The following GRAMD2A variants were observed in gnomAD, a reference collection of about 807,000 sequenced individuals.
GRAMD2A encodes GRAM domain containing 2A, also known as GRAM domain-containing protein 2A.
GRAMD2A carries 37 observed loss-of-function variants against 51.1 expected under a neutral mutation model. That is an observed-to-expected ratio of 0.72 (90% CI 0.56 to 0.95). GRAMD2A has a LOEUF of 0.95. Ranked by LOEUF, GRAMD2A falls within the 40% of genes least tolerant of loss-of-function variation. The probability of loss-of-function intolerance (pLI) is 0.00; values close to 1 mark genes in which losing one functional copy is unlikely to be tolerated. For missense variants in GRAMD2A, 414 were observed against 426.9 expected (o/e 0.97, Z 0.27); for synonymous variants, 136 against 157.1 (o/e 0.87, Z 1.01).
intron 2 of GRAMD2A, chr15:72,169,570 A>G (rs773226533): frequency 1.6e-6 from 1 of 633,664 alleles, no homozygotes; most frequent in Non-Finnish European, 2.9e-6. Flanking sequence ...GGCACTGAGA[A>G]AAAAAGGTAA....
chr15:72,197,768 T>C lies in GRAMD2A; in HGVS notation c.4A>G (p.Thr2Ala). ...GTGGCCTCGCTCCGGCTTAAAGCGG[T>C]CATCCCGGCGCCTGCACCCAGCGCC... The part of the protein sequence containing the change: M[T>A]ALSRSEATEE... The change falls in exon 1 of 12, where the codon ACC (threonine) becomes GCC (alanine). Residue 2 changes from threonine (T) to alanine (A), a missense_variant. Coordinates refer to ENST00000309731, the MANE Select transcript of GRAMD2A (RefSeq NM_001012642.3). 1 of 1,316,192 alleles carries C rather than the reference T, an allele frequency of 7.6e-7. No individual in the cohort carries two copies. Among genetic ancestry groups the C allele is most frequent in the Admixed American group, 2.9e-5 (1 of 34,716 alleles). The allele number at this position is 1,316,192 out of a possible 1,614,324, so 81.5% of individuals were successfully genotyped here. A position where few individuals can be genotyped will look rare whatever the true frequency, so the allele number is the denominator to read the frequency against.
intron 2 of GRAMD2A, 93 bp downstream of exon 2, chr15:72,169,754 T>C (rs2081589756): frequency 9.7e-7 from 1 of 1,036,078 alleles, no homozygotes; most frequent in Non-Finnish European, 1.5e-6. Flanking sequence ...GGGCCCCGGC[T>C]CTGCCTTGAG....
In GRAMD2A at chr15:72,163,646, T is replaced by C; in HGVS notation, c.712A>G (p.Ser238Gly). The part of the protein sequence containing the change: ...IPPSSVDSTD[S>G]FFPSRKPPMS... ...GGAGGCTTCCTGGAGGGGAAGAAAC[T>C]GTCTGTGGAGTCCACGGATGATGGA... Residue 238 changes from serine to glycine, a missense_variant, in exon 9 of 12, where the codon AGT (serine) becomes GGT (glycine). Coordinates refer to ENST00000309731, the MANE Select transcript of GRAMD2A (RefSeq NM_001012642.3). The C allele has an allele frequency of 1.3e-6, 2 of 1,596,182 alleles. No individual in the cohort carries two copies. The highest frequency in any genetic ancestry group is 1.3e-5 in the African/African-American group (1 of 74,164).
intron 1 of GRAMD2A, among the ~76,000 whole-genome samples, chr15:72,187,270 A>G (rs2081740767): frequency 1.3e-5 from 2 of 151,934 alleles, no homozygotes; most frequent in South Asian, 4.1e-4. Flanking sequence ...CATCCAGGAG[A>G]ATAAAGGGAT....
chr15:72,186,823 G>GA (rs912726290), intron 1 of GRAMD2A, among the ~76,000 whole-genome samples: 2 of 151,868 alleles, frequency 1.3e-5, no homozygotes, highest in Non-Finnish European at 2.9e-5. Context: ...TGCTAATATG[G>GA]AAAAAAAGTC....
At chr15:72,181,673 C>T (rs1439329156) in intron 1 of GRAMD2A, among the ~76,000 whole-genome samples, 5 of 152,198 alleles carry the variant, frequency 3.3e-5, no homozygotes, top group African/African-American at 9.6e-5. Context: ...CTCCAGATTT[C>T]TGGCTTAAGC....
intron 1 of GRAMD2A, among the ~76,000 whole-genome samples, chr15:72,187,687 A>G (rs1158320141): frequency 6.6e-6 from 1 of 151,836 alleles, no homozygotes; most frequent in Non-Finnish European, 1.5e-5. Context: ...TACTTTTTGC[A>G]TTTTTTATAG....
At chr15:72,171,431 A>G (rs906682145) in intron 1 of GRAMD2A, among the ~76,000 whole-genome samples, 12 of 152,166 alleles carry the variant, frequency 7.9e-5, no homozygotes, top group African/African-American at 2.9e-4. Flanking sequence ...TATAATCTAT[A>G]ATTTGTATAC....
At chr15:72,196,043 T>G (rs950835320) in intron 1 of GRAMD2A, among the ~76,000 whole-genome samples, 1 of 152,236 alleles carries the variant, frequency 6.6e-6, no homozygotes, top group African/African-American at 2.4e-5. Context: ...GAACTTCTAT[T>G]TGGCCCCAGC....
chr15:72,175,298 G>A lies in GRAMD2A; in HGVS notation c.42-5359C>T, dbSNP rs60921026. On this transcript the variant is annotated intron_variant, in intron 1 of 11. Transcript: ENST00000309731. The stretch of plus-strand genomic sequence containing the variant: ...TGACCAAAACTGCCTCCGGCTGTGC[G>A]GGTACACACTGCCTCTCTCCCACAT... Among the ~76,000 whole-genome samples the A allele has an allele frequency of 0.035, 5,369 of 152,222 alleles. 560 individuals are homozygous for A. In the East Asian group the frequency reaches 0.4, roughly 11 times the overall value.
At chr15:72,187,123 G>A (rs1182746345) in intron 1 of GRAMD2A, among the ~76,000 whole-genome samples, 1 of 151,560 alleles carries the variant, frequency 6.6e-6, no homozygotes, top group African/African-American at 2.4e-5. Context: ...TAGCGCCACT[G>A]CATTCCAGCC....
chr15:72,167,911 C>A (rs1160379013), intron 4 of GRAMD2A, 72 bp from the exon 5 acceptor site: 6 of 1,032,394 alleles, frequency 5.8e-6, no homozygotes, highest in Non-Finnish European at 9.2e-6. Context: ...TGGGTCCTCA[C>A]GTTCTGGAGT....
At position 72,169,953 on chromosome 15, in the gene GRAMD2A, G is replaced by A; in HGVS notation, c.42-14C>T. On this transcript the variant is annotated splice_polypyrimidine_tract_variant and intron_variant, in intron 1 of 11. Transcript: ENST00000309731. ...ATTTGTTGGTTGCTAGGGAAAAACA[G>A]GCCCATATCAGGAAGGGGGCTTCAT... 6.2e-7 allele frequency: 1 copy of A among 1,602,110 alleles called. No individual in the cohort carries two copies. Among genetic ancestry groups the A allele is most frequent in the Non-Finnish European group, 8.6e-7 (1 of 1,169,002 alleles).
At chr15:72,174,781 G>T (rs142503948) in intron 1 of GRAMD2A, among the ~76,000 whole-genome samples, 1 of 152,276 alleles carries the variant, frequency 6.6e-6, no homozygotes, top group African/African-American at 2.4e-5. Flanking sequence ...AGAGGGCAGG[G>T]ATGGCACCAG....
chr15:72,167,709 A>G (rs1465303376), intron 5 of GRAMD2A, 27 bp downstream of exon 5: 2 of 1,552,190 alleles, frequency 1.3e-6, no homozygotes, highest in Non-Finnish European at 1.8e-6. Context: ...TCACAGGGTC[A>G]TGGCAGCCCT....
rs573259616 is a variant in GRAMD2A at position 72,171,004 on chromosome 15, C to T, written c.42-1065G>A. ...CCTCAGAGATTGATTCAGCCTCACC[C>T]GCTCCCACCATACCATTGTACAGAT... On this transcript the variant is annotated intron_variant, in intron 1 of 11. Coordinates refer to ENST00000309731, the MANE Select transcript of GRAMD2A (RefSeq NM_001012642.3). 2.6e-5 allele frequency among the ~76,000 whole-genome samples: 4 copies of T among 152,302 alleles called. No individual in the cohort carries two copies. The East Asian group carries it at 7.7e-4, about 29-fold the overall frequency.
intron 1 of GRAMD2A, among the ~76,000 whole-genome samples, chr15:72,180,125 G>A (rs762100414): frequency 5.9e-5 from 9 of 152,176 alleles, no homozygotes; most frequent in East Asian, 1.9e-4. Flanking sequence ...GAGAACAGTC[G>A]CCACGGAGAC....
At chr15:72,180,382 T>G (rs902594219) in intron 1 of GRAMD2A, among the ~76,000 whole-genome samples, 1 of 152,208 alleles carries the variant, frequency 6.6e-6, no homozygotes, top group Non-Finnish European at 1.5e-5. Context: ...AAGCTGGTCA[T>G]TCAGGTCTAA....
In GRAMD2A at chr15:72,169,864, C is replaced by A; in HGVS notation, c.117G>T (p.Glu39Asp). The change falls in exon 2 of 12, where the codon GAG (glutamate) becomes GAT (aspartate). Residue 39 changes from glutamate to aspartate, a missense_variant. By Grantham distance (45) the Glu-to-Asp change is conservative. Coordinates refer to ENST00000309731, the MANE Select transcript of GRAMD2A (RefSeq NM_001012642.3). ...VSCKEKPDRV[E>D]EPPDYSLHWP... ...GTCCTCACCTGTAGTCCGGGGGCTC[C>A]TCAACTCTGTCTGGTTTCTCTTTGC... 3 of 1,613,852 alleles carry A rather than the reference C, an allele frequency of 1.9e-6. No individual in the cohort carries two copies. In the East Asian group the frequency reaches 6.7e-5, roughly 36 times the overall value.
Sources: gnomAD v4.1 joint callset for allele counts (sites outside exome capture counted in the v4.1 genomes callset) on GRCh38, gnomAD v4.1.1 for gene constraint, MANE v1.5 for transcripts, NCBI Gene and HGNC (gene_info 2026-07-23, HGNC 2026-07-21) for gene names.